Variants in DPYSL2 observed in about 807,000 individuals in gnomAD.
DPYSL2 encodes the protein dihydropyrimidinase like 2, also known as dihydropyrimidinase-related protein 2.
DPYSL2 carries 13 observed loss-of-function variants against 69.9 expected under a neutral mutation model. That is an observed-to-expected ratio of 0.19 (90% confidence interval 0.12 to 0.30). The LOEUF is 0.30. Among genes scored for constraint, DPYSL2 ranks in the 10% least tolerant of loss-of-function variants. The pLI, the probability that DPYSL2 is intolerant of heterozygous loss-of-function variation, is 1.00. For missense variants in DPYSL2, 587 were observed against 918.9 expected, an observed-to-expected ratio of 0.64 and a Z score of 4.67; for synonymous variants, 326 against 359.1, an observed-to-expected ratio of 0.91 and a Z score of 1.04.
At position 26,603,911 on chromosome 8, in the gene DPYSL2, C is replaced by T. The variant is rs1007229630; in HGVS notation, c.628+19928C>T. On this transcript the variant is annotated intron_variant, in intron 3 of 13. Coordinates refer to ENST00000521913, the MANE Select transcript of DPYSL2 (RefSeq NM_001197293.3). ...TGATAGATACATGGGCTGCTTCCAC[C>T]TTTTGGCTATTGTAAATAATGCTGC... 2.6e-5 allele frequency among the ~76,000 whole-genome samples: 4 copies of T among 152,134 alleles called. 1 individual carries two copies. In the South Asian group the frequency reaches 8.3e-4, roughly 32 times the overall value.
rs1802657955 is a variant in DPYSL2 at position 26,627,934 on chromosome 8, T to G, written c.999T>G (p.Pro333=). Residue 333 remains proline, a synonymous_variant, in exon 7 of 14, where the codon CCT becomes CCG. Coordinates refer to ENST00000521913, the MANE Select transcript of DPYSL2 (RefSeq NM_001197293.3). This position sits in a 1 kb window ranked among gnomAD's most constrained non-coding sequence, Gnocchi z 6.9. ...CCGAGGGACATGTGCTGAGCCGACC[T>G]GAGGAGGTGAATGTTCACCAAGCGG... ...TGPEGHVLSR[P]EEVEAEAVNR... is the part of the protein sequence containing the mutation. 1 of 1,613,680 alleles carries G rather than the reference T, an allele frequency of 6.2e-7. No individual in the cohort carries two copies. Among genetic ancestry groups the G allele is most frequent in the East Asian group, 2.2e-5 (1 of 44,866 alleles).
intron 1 of DPYSL2, among the ~76,000 whole-genome samples, chr8:26,542,002 G>A (rs1800692542): frequency 6.6e-6 from 1 of 151,960 alleles, no homozygotes; most frequent in African/African-American, 2.4e-5. Flanking sequence ...TGGGTGTGGT[G>A]GCTAATGCCT....
chr8:26,599,212 T>C (rs149056646), intron 3 of DPYSL2, among the ~76,000 whole-genome samples: 1 of 152,170 alleles, frequency 6.6e-6, no homozygotes, highest in African/African-American at 2.4e-5. Flanking sequence ...ATTTGAACTG[T>C]TTTGTCTTGG....
rs947124851 is a variant in DPYSL2, at chr8:26,560,174, C to T, written c.355-21795C>T. Among the ~76,000 whole-genome samples, 3 of 152,190 alleles carry T rather than the reference C, an allele frequency of 2.0e-5. No individual in the cohort carries two copies. Among genetic ancestry groups the T allele is most frequent in the East Asian group, 1.9e-4 (1 of 5,202 alleles). On this transcript the variant is annotated intron_variant, in intron 1 of 13. Coordinates refer to ENST00000521913, the MANE Select transcript of DPYSL2 (RefSeq NM_001197293.3). This position sits in a 1 kb window ranked among gnomAD's most constrained non-coding sequence, Gnocchi z 4.4. ...CAGGAGCAGACGCGACCATTCCCGA[C>T]GGCCTTGGCAGCTCACTCTGCCTGA... is the stretch of plus-strand genomic sequence containing the variant.
At chr8:26,613,479 G>A (rs1802281224) in intron 3 of DPYSL2, among the ~76,000 whole-genome samples, 1 of 152,212 alleles carries the variant, frequency 6.6e-6, no homozygotes, top group Non-Finnish European at 1.5e-5. Flanking sequence ...CCTGCAGTGG[G>A]TGCCCATCCT....
In DPYSL2 at chr8:26,626,549, T is replaced by A; in HGVS notation, c.794-68T>A. The A allele has an allele frequency of 7.0e-7, 1 of 1,432,140 alleles. No homozygotes were observed. Among genetic ancestry groups the A allele is most frequent in the Non-Finnish European group, 9.8e-7 (1 of 1,018,694 alleles). The allele number at this position is 1,432,140 out of a possible 1,614,324, so 88.7% of individuals were successfully genotyped here. On this transcript the variant is annotated intron_variant, in intron 4 of 13. Transcript: ENST00000521913. The surrounding 1 kb of genome is among the most constrained non-coding windows in gnomAD (Gnocchi z 4.3). Reference sequence around the variant, plus strand: ...TACACACACAGACAGTATTATCACTTTCTTATCCCTTATTTGGTTATTTGG... The same window carrying A: ...TACACACACAGACAGTATTATCACTATCTTATCCCTTATTTGGTTATTTGG...
intron 3 of DPYSL2, among the ~76,000 whole-genome samples, chr8:26,596,258 A>G (rs1459654617): frequency 6.6e-6 from 1 of 152,216 alleles, no homozygotes; most frequent in Non-Finnish European, 1.5e-5. Flanking sequence ...CACTTTGCAC[A>G]GTTAGATGGG....
intron 1 of DPYSL2, among the ~76,000 whole-genome samples, chr8:26,568,365 G>T (rs1801184974): frequency 6.6e-6 from 1 of 152,170 alleles, no homozygotes; most frequent in African/African-American, 2.4e-5. Flanking sequence ...ACAAGAGGGG[G>T]ACTGTGTATG....
At chr8:26,628,951 G>A (rs1802677171) in intron 7 of DPYSL2, among the ~76,000 whole-genome samples, 1 of 152,192 alleles carries the variant, frequency 6.6e-6, no homozygotes, top group Non-Finnish European at 1.5e-5. Context: ...TAAGGAAGTG[G>A]ATTCAGGAGG....
chr8:26,574,054 A>G (rs1801285796), intron 1 of DPYSL2, among the ~76,000 whole-genome samples: 1 of 152,108 alleles, frequency 6.6e-6, no homozygotes, highest in Non-Finnish European at 1.5e-5. Flanking sequence ...TTTTGCTTCT[A>G]GGAGTCAAGG....
At chr8:26,628,114 T>C (rs1304227026) in intron 7 of DPYSL2, among the ~76,000 whole-genome samples, 174 bp downstream of exon 7, 1 of 152,144 alleles carries the variant, frequency 6.6e-6, no homozygotes, top group Non-Finnish European at 1.5e-5. Context: ...CAAAGTGAAG[T>C]GTTAGATTGC....
chr8:26,639,528 C>G (rs527961406), intron 8 of DPYSL2, among the ~76,000 whole-genome samples: 2 of 152,326 alleles, frequency 1.3e-5, no homozygotes, highest in Non-Finnish European at 2.9e-5. Flanking sequence ...GCCATCTCAG[C>G]TCTGCATCTA....
rs569116227 is a variant in DPYSL2, at chr8:26,560,967, G to T, written c.355-21002G>T. Among the ~76,000 whole-genome samples the T allele has an allele frequency of 6.6e-5, 10 of 152,224 alleles. No homozygotes were observed. The South Asian group carries it at 2.1e-3, about 32-fold the overall frequency. ...GAAGGGAAGTTGTAAGAGAGCAGCTGTCCACAGTTATTAATGGTACCTTAC... is the reference window on the plus strand; with the variant it reads ...GAAGGGAAGTTGTAAGAGAGCAGCTTTCCACAGTTATTAATGGTACCTTAC... On this transcript the variant is annotated intron_variant, in intron 1 of 13. Transcript: ENST00000521913. This position sits in a 1 kb window ranked among gnomAD's most constrained non-coding sequence, Gnocchi z 4.4.
In DPYSL2 at chr8:26,627,925, G is replaced by A. The variant is rs149211526; in HGVS notation, c.990G>A (p.Leu330=). ...LGITGPEGHV[L]SRPEEVEAEA... Reference sequence around the variant, plus strand: ...TCACGGGCCCCGAGGGACATGTGCTGAGCCGACCTGAGGAGGTGAATGTTC... The same window carrying A: ...TCACGGGCCCCGAGGGACATGTGCTAAGCCGACCTGAGGAGGTGAATGTTC... The change falls in exon 7 of 14, where the codon CTG becomes CTA. Residue 330 remains leucine, a synonymous_variant. Coordinates refer to ENST00000521913, the MANE Select transcript of DPYSL2 (RefSeq NM_001197293.3). This position sits in a 1 kb window ranked among gnomAD's most constrained non-coding sequence, Gnocchi z 6.9. 6 of 1,613,832 alleles carry A rather than the reference G, an allele frequency of 3.7e-6. No individual in the cohort carries two copies. The highest frequency in any genetic ancestry group is 5.1e-6 in the Non-Finnish European group (6 of 1,179,978).
chr8:26,639,469 G>A lies in DPYSL2; in HGVS notation c.1127-3970G>A, dbSNP rs548523355. On this transcript the variant is annotated intron_variant, in intron 8 of 13. Transcript: ENST00000521913. ...GTCTGCAAGGTTGGGAATTCAATTT[G>A]CATTGTAATTCAGCCACTGCCAGGA... is the stretch of plus-strand genomic sequence containing the variant. Among the ~76,000 whole-genome samples, 14 of 152,222 alleles carry A rather than the reference G, an allele frequency of 9.2e-5. No individual in the cohort carries two copies. The East Asian group carries it at 2.7e-3, about 29-fold the overall frequency.
rs1440894663 is a variant in DPYSL2, at chr8:26,597,319, T to C, written c.628+13336T>C. Among the ~76,000 whole-genome samples the C allele has an allele frequency of 6.6e-6, 1 of 152,250 alleles. No homozygotes were observed. The highest frequency in any genetic ancestry group is 1.5e-5 in the Non-Finnish European group (1 of 68,038). On this transcript the variant is annotated intron_variant, in intron 3 of 13. Coordinates refer to ENST00000521913, the MANE Select transcript of DPYSL2 (RefSeq NM_001197293.3). This position sits in a 1 kb window ranked among gnomAD's most constrained non-coding sequence, Gnocchi z 5.2. ...TGCGGGGCCAGATTGAGCTGATTTC[T>C]GTCACGTAGGCTGCTCCGAGGTTGC...
intron 8 of DPYSL2, among the ~76,000 whole-genome samples, chr8:26,639,768 T>C (rs1201519218): frequency 1.3e-5 from 2 of 152,146 alleles, no homozygotes; most frequent in African/African-American, 4.8e-5. Context: ...TTTAATAATA[T>C]TTTCTGTGTC....
chr8:26,576,964 A>G, intron 1 of DPYSL2: 1 of 293,106 alleles, frequency 3.4e-6, no homozygotes. Context: ...GTGACTGTAA[A>G]GCGGGCGCAC....
At chr8:26,635,729 C>G (rs1244204310) in intron 8 of DPYSL2, among the ~76,000 whole-genome samples, 1 of 152,066 alleles carries the variant, frequency 6.6e-6, no homozygotes, top group Non-Finnish European at 1.5e-5. Context: ...CTCCCCTTTG[C>G]CTGTTGGGAT....
Sources: allele counts gnomAD v4.1 joint callset (sites outside exome capture counted in the v4.1 genomes callset), GRCh38; gene constraint gnomAD v4.1.1; non-coding constraint Gnocchi (gnomAD v3.1); transcripts MANE v1.5; gene names NCBI Gene and HGNC (gene_info 2026-07-23, HGNC 2026-07-21).